Variants in TADA2A observed in about 807,000 individuals in gnomAD.
TADA2A encodes the protein transcriptional adaptor 2A, also known as transcriptional adapter 2-alpha.
TADA2A carries 38 observed loss-of-function variants against 67.4 expected under a neutral mutation model. That is an observed-to-expected ratio of 0.56 (90% CI 0.44 to 0.74). The LOEUF (loss-of-function observed/expected upper bound fraction) is 0.74. Among genes scored for constraint, TADA2A ranks in the 30% least tolerant of loss-of-function variants. TADA2A has a pLI of 0.00. For missense variants in TADA2A, 454 were observed against 547.0 expected, an observed-to-expected ratio of 0.83 and a Z score of 1.70; for synonymous variants, 192 against 181.6, an observed-to-expected ratio of 1.06 and a Z score of -0.46.
intron 2 of TADA2A, 25 bp downstream of exon 2, chr17:37,411,415 A>G (rs1449199357): frequency 6.2e-7 from 1 of 1,603,360 alleles, no homozygotes; most frequent in South Asian, 1.1e-5. Flanking sequence ...AACAAGTCTC[A>G]GGTGACTTAT....
intron 15 of TADA2A, 39 bp from the exon 16 acceptor site, chr17:37,476,758 A>G (rs773465593): frequency 6.4e-7 from 1 of 1,570,452 alleles, no homozygotes; most frequent in East Asian, 2.3e-5. Flanking sequence ...TACAAAAATG[A>G]CAGATGTTAA....
intron 4 of TADA2A, among the ~76,000 whole-genome samples, chr17:37,433,681 G>T (rs529202186): frequency 1.3e-5 from 2 of 151,714 alleles, no homozygotes; most frequent in African/African-American, 4.8e-5. Context: ...GGCTGAGCTC[G>T]GTTCCTCATG....
intron 2 of TADA2A, among the ~76,000 whole-genome samples, chr17:37,415,297 C>T (rs2052006399): frequency 6.6e-6 from 1 of 152,104 alleles, no homozygotes; most frequent in Non-Finnish European, 1.5e-5. Flanking sequence ...AATAGTATCT[C>T]CTGGAAATAC....
chr17:37,424,255 C>T (rs1339002155), intron 3 of TADA2A, among the ~76,000 whole-genome samples: 1 of 151,584 alleles, frequency 6.6e-6, no homozygotes, highest in African/African-American at 2.4e-5. Flanking sequence ...CAACATGGTT[C>T]AACATGGTGA....
Position 37,437,763 on chromosome 17 carries a change from C to G in TADA2A, c.218C>G (p.Pro73Arg), listed in dbSNP as rs147950347. The G allele has an allele frequency of 6.2e-7, 1 of 1,613,960 alleles. No homozygotes were observed. Among genetic ancestry groups the G allele is most frequent in the Admixed American group, 1.7e-5 (1 of 59,958 alleles). ...IMTSDFPVLD[P>R]SWTAQEEMAL... Reference sequence around the variant, plus strand: ...ACTTCAGATTTTCCTGTCCTTGATCCCAGCTGGACTGCTCAAGAAGAAATG... The same window carrying G: ...ACTTCAGATTTTCCTGTCCTTGATCGCAGCTGGACTGCTCAAGAAGAAATG... The change falls in exon 5 of 16, where the codon CCC (proline) becomes CGC (arginine). Residue 73 changes from proline (P) to arginine (R), a missense_variant. This residue lies in a region of TADA2A where 403 missense variants were observed against 455.5 expected (regional missense o/e 0.88). Coordinates refer to ENST00000615182, the MANE Select transcript of TADA2A (RefSeq NM_001166105.3).
intron 6 of TADA2A, among the ~76,000 whole-genome samples, chr17:37,442,178 A>G (rs1042683796): frequency 2.1e-5 from 3 of 140,538 alleles, no homozygotes; most frequent in African/African-American, 8.0e-5. Context: ...TTCCAATTCC[A>G]GTGTTTGTTT....
intron 8 of TADA2A, among the ~76,000 whole-genome samples, chr17:37,449,727 C>CT (rs1362390662): frequency 6.6e-6 from 1 of 151,914 alleles, no homozygotes; most frequent in Non-Finnish European, 1.5e-5. Flanking sequence ...TCAAACTATC[C>CT]TCCCACCTCA....
chr17:37,453,245 G>A lies in TADA2A; in HGVS notation c.605-5279G>A, dbSNP rs750122215. Among the ~76,000 whole-genome samples, 4 of 152,218 alleles carry A rather than the reference G, an allele frequency of 2.6e-5. No homozygotes were observed. In the South Asian group the frequency reaches 8.3e-4, roughly 31 times the overall value. On this transcript the variant is annotated intron_variant, in intron 8 of 15. Coordinates refer to ENST00000615182, the MANE Select transcript of TADA2A (RefSeq NM_001166105.3). ...CAGTGAGATGCACAGTAATGAGTCA[G>A]TATGTGGTATCAGAATTTATCTCTA...
In TADA2A at chr17:37,420,136, T is replaced by C. The variant is rs1241297060; in HGVS notation, c.26-3373T>C. Among the ~76,000 whole-genome samples, 13 of 146,512 alleles carry C rather than the reference T, an allele frequency of 8.9e-5. 2 individuals carry two copies. The highest frequency in any genetic ancestry group is 1.8e-4 in the Non-Finnish European group (12 of 65,640). ...AGGAAGAGGGTAACTTGGTAGAAGT[T>C]GGCACCTGTCACTTAATATACAATA... On this transcript the variant is annotated intron_variant, in intron 2 of 15. Coordinates refer to ENST00000615182, the MANE Select transcript of TADA2A (RefSeq NM_001166105.3).
intron 4 of TADA2A, among the ~76,000 whole-genome samples, chr17:37,435,787 C>T (rs1489698527): frequency 6.6e-6 from 1 of 152,078 alleles, no homozygotes; most frequent in Non-Finnish European, 1.5e-5. Context: ...GCCATCTTGC[C>T]CAGGCTGGTC....
At chr17:37,428,620 C>G (rs2052477552) in intron 4 of TADA2A, among the ~76,000 whole-genome samples, 1 of 152,218 alleles carries the variant, frequency 6.6e-6, no homozygotes, top group South Asian at 2.1e-4. Flanking sequence ...CTCACTCTAT[C>G]ACCCAGGCTA....
Position 37,421,575 on chromosome 17 carries a change from A to C in TADA2A, c.26-1934A>C. ...CAAATTCCTGGAACCGTTTGAGCCCAGGAATTCAAGACCAGCCTAGGCAAC... is the reference window on the plus strand; with the variant it reads ...CAAATTCCTGGAACCGTTTGAGCCCCGGAATTCAAGACCAGCCTAGGCAAC... On this transcript the variant is annotated intron_variant, in intron 2 of 15. Transcript: ENST00000615182. Among the ~76,000 whole-genome samples the C allele has an allele frequency of 1.4e-5, 2 of 147,116 alleles. 1 individual carries two copies. The highest frequency in any genetic ancestry group is 3.0e-5 in the Non-Finnish European group (2 of 65,888).
At chr17:37,422,777 C>G (rs750525474) in intron 2 of TADA2A, among the ~76,000 whole-genome samples, 3 of 152,156 alleles carry the variant, frequency 2.0e-5, no homozygotes, top group Admixed American at 1.3e-4. Flanking sequence ...GCTGGAATTA[C>G]AGGGTAAGCT....
At chr17:37,417,101 C>G (rs1429667178) in intron 2 of TADA2A, among the ~76,000 whole-genome samples, 1 of 151,824 alleles carries the variant, frequency 6.6e-6, no homozygotes, top group Non-Finnish European at 1.5e-5. Flanking sequence ...TACAAAAGAC[C>G]GGGCACAATG....
rs767220490 is a variant in TADA2A at position 37,476,977 on chromosome 17, G to C, written c.1327G>C (p.Gly443Arg). ...CATCAGAGAAGGATACATCACTAAA[G>C]GCTAAGGCTCCAAGAGCTTGGGATC... ...FLIREGYITK[G>R] Residue 443 changes from glycine (G) to arginine (R), a missense_variant, in exon 16 of 16, where the codon GGC becomes CGC. By Grantham distance (125) the Gly-to-Arg change is moderately radical. This residue lies in a region of TADA2A where 51 missense variants were observed against 91.5 expected (regional missense o/e 0.56). Coordinates refer to ENST00000615182, the MANE Select transcript of TADA2A (RefSeq NM_001166105.3). 6.2e-7 allele frequency: 1 copy of C among 1,606,958 alleles called. No homozygotes were observed. Among genetic ancestry groups the C allele is most frequent in the Non-Finnish European group, 8.5e-7 (1 of 1,174,600 alleles).
At chr17:37,430,229 T>C (rs966210617) in intron 4 of TADA2A, among the ~76,000 whole-genome samples, 2 of 152,216 alleles carry the variant, frequency 1.3e-5, no homozygotes, top group Non-Finnish European at 2.9e-5. Context: ...TTCTCACGTA[T>C]TCAACACCCA....
In TADA2A at chr17:37,445,239, T is replaced by G. The variant is rs771602184; in HGVS notation, c.604+471T>G. On this transcript the variant is annotated intron_variant, in intron 8 of 15. Transcript: ENST00000615182. Reference sequence around the variant, plus strand: ...TGGGGAATTTCTTGTTTCTCAGGACTGTTGAATTTTCAACACTGCTGGATT... The same window carrying G: ...TGGGGAATTTCTTGTTTCTCAGGACGGTTGAATTTTCAACACTGCTGGATT... 3.3e-5 allele frequency among the ~76,000 whole-genome samples: 5 copies of G among 152,224 alleles called. No individual in the cohort carries two copies. In the South Asian group the frequency reaches 8.3e-4, roughly 25 times the overall value.
chr17:37,408,371 G>C (rs556914393), intron 1 of TADA2A: 1 of 152,380 alleles, frequency 6.6e-6, no homozygotes, highest in African/African-American at 2.4e-5. Context: ...TCTTGCCTCA[G>C]CCTCCCAAGT....
chr17:37,461,839 C>T (rs2053553866), intron 9 of TADA2A: 1 of 372,986 alleles, frequency 2.7e-6, no homozygotes. Flanking sequence ...TTCATTCGTT[C>T]AGCAAATAGT....
Sources: allele counts gnomAD v4.1 joint callset (sites outside exome capture counted in the v4.1 genomes callset), GRCh38; gene constraint gnomAD v4.1.1; regional missense constraint gnomAD v4.1.1; transcripts MANE v1.5; gene names NCBI Gene and HGNC (gene_info 2026-07-23, HGNC 2026-07-21).